The following QTMAN variants were observed in gnomAD, a reference collection of about 807,000 sequenced individuals.
QTMAN encodes the protein queuosine-tRNA mannosyltransferase.
chr2:144,242,541 T>C, the QTMAN span, among the ~76,000 whole-genome samples: 1 of 152,212 alleles, frequency 6.6e-6, no homozygotes, highest in East Asian at 1.9e-4. Context: ...CCAAATGTTT[T>C]ATGCAACATT....
At chr2:144,106,476 C>T in the QTMAN span, among the ~76,000 whole-genome samples, 12 of 152,160 alleles carry the variant, frequency 7.9e-5, no homozygotes, top group Admixed American at 1.3e-4. Flanking sequence ...ATAAAACAGA[C>T]TTTAAACCTA....
chr2:144,209,718 A>T, the QTMAN span, among the ~76,000 whole-genome samples: 2 of 152,200 alleles, frequency 1.3e-5, no homozygotes, highest in Non-Finnish European at 2.9e-5. Context: ...TCTAATATAC[A>T]TCTCAAATTA....
chr2:144,279,429 C>A, the QTMAN span, among the ~76,000 whole-genome samples: 2 of 151,104 alleles, frequency 1.3e-5, no homozygotes, highest in South Asian at 4.2e-4. Context: ...TCTATCAACA[C>A]TACTACACTG....
the QTMAN span, among the ~76,000 whole-genome samples, chr2:144,273,245 A>G: frequency 1.3e-5 from 2 of 152,216 alleles, no homozygotes; most frequent in Non-Finnish European, 2.9e-5. Context: ...TATTATAGGA[A>G]ACGCTCAATT....
chr2:144,294,228 C>A, the QTMAN span: 164 of 152,252 alleles, frequency 1.1e-3, no homozygotes, highest in African/African-American at 3.7e-3. Context: ...TTCCTATCAA[C>A]CAGAAGTGTT....
chr2:144,238,959 T>C, the QTMAN span, among the ~76,000 whole-genome samples: 1 of 152,178 alleles, frequency 6.6e-6, no homozygotes, highest in East Asian at 1.9e-4. Context: ...AACAAGATTA[T>C]AAACCTCCAG....
the QTMAN span, among the ~76,000 whole-genome samples, chr2:144,002,484 T>C: frequency 1.3e-5 from 2 of 151,996 alleles, no homozygotes; most frequent in Admixed American, 6.6e-5. Flanking sequence ...GTTGCAAAGA[T>C]AAATTTAAGC....
the QTMAN span, among the ~76,000 whole-genome samples, chr2:144,272,715 G>A: frequency 6.6e-6 from 1 of 152,066 alleles, no homozygotes; most frequent in African/African-American, 2.4e-5. Context: ...TACATTATGT[G>A]TGTGTGTGTA....
At chr2:144,000,500 T>G in the QTMAN span, among the ~76,000 whole-genome samples, 1 of 152,052 alleles carries the variant, frequency 6.6e-6, no homozygotes, top group African/African-American at 2.4e-5. Flanking sequence ...ATGTGAGCTT[T>G]GACTAATTGA....
chr2:144,279,183 C>CA, the QTMAN span, among the ~76,000 whole-genome samples: 2 of 151,990 alleles, frequency 1.3e-5, no homozygotes, highest in African/African-American at 2.4e-5. Flanking sequence ...TTCAATAAGT[C>CA]AGTGATTTTA....
At chr2:143,956,432 T>A in the QTMAN span, among the ~76,000 whole-genome samples, 2 of 152,182 alleles carry the variant, frequency 1.3e-5, no homozygotes, top group East Asian at 3.8e-4. Context: ...TATCTGTATA[T>A]GTATATTATA....
the QTMAN span, among the ~76,000 whole-genome samples, chr2:144,095,505 C>T: frequency 6.6e-6 from 1 of 152,208 alleles, no homozygotes; most frequent in African/African-American, 2.4e-5. Flanking sequence ...CTAGCACCTG[C>T]CACACAATCT....
the QTMAN span, among the ~76,000 whole-genome samples, chr2:144,093,732 C>G: frequency 2.6e-5 from 4 of 152,100 alleles, no homozygotes; most frequent in Non-Finnish European, 5.9e-5. Flanking sequence ...GAGTTGTTAT[C>G]ATGGATGAAG....
chr2:144,189,474 T>A, the QTMAN span, among the ~76,000 whole-genome samples: 1 of 152,194 alleles, frequency 6.6e-6, no homozygotes, highest in Non-Finnish European at 1.5e-5. Flanking sequence ...ATTGAGCCAC[T>A]AAAAGAACAC....
the QTMAN span, among the ~76,000 whole-genome samples, chr2:144,072,829 AAGAC>A: frequency 6.6e-6 from 1 of 152,234 alleles, no homozygotes; most frequent in Non-Finnish European, 1.5e-5. Flanking sequence ...AAAAGAGTTA[AAGAC>A]AAGACTTAAA....
At chr2:143,970,785 T>C in the QTMAN span, 33 of 1,245,672 alleles carry the variant, frequency 2.6e-5, no homozygotes, top group Admixed American at 3.4e-4. Flanking sequence ...ACACAAAATA[T>C]AACTTGTGTT....
chr2:144,018,700 G>A, the QTMAN span, among the ~76,000 whole-genome samples: 30 of 149,876 alleles, frequency 2.0e-4, no homozygotes, highest in African/African-American at 2.5e-5. Context: ...GAGTGAAAAA[G>A]GTTCAGAGAA....
chr2:143,993,209 A>T, the QTMAN span, among the ~76,000 whole-genome samples: 1 of 152,174 alleles, frequency 6.6e-6, no homozygotes, highest in Non-Finnish European at 1.5e-5. Flanking sequence ...ATTTTTCCTC[A>T]TCATTACATC....
the QTMAN span, among the ~76,000 whole-genome samples, chr2:144,204,577 C>T: frequency 6.6e-6 from 1 of 152,198 alleles, no homozygotes; most frequent in African/African-American, 2.4e-5. Flanking sequence ...TTGTGGAAGT[C>T]AGCGTGGCAA....
Sources: allele counts gnomAD v4.1 joint callset (sites outside exome capture counted in the v4.1 genomes callset), GRCh38; gene constraint gnomAD v4.1.1; transcripts MANE v1.5; gene names NCBI Gene and HGNC (gene_info 2026-07-23, HGNC 2026-07-21).